LRP1B: variants seen among roughly 807,000 people sequenced by gnomAD.
LRP1B encodes the protein low-density lipoprotein receptor-related protein 1B.
LRP1B carries 217 observed loss-of-function variants against 556.6 expected under a neutral mutation model. That is an observed-to-expected ratio of 0.39 (90% confidence interval 0.35 to 0.44). LRP1B has a LOEUF of 0.44. Ranked by LOEUF, LRP1B falls within the 20% of genes least tolerant of loss-of-function variation. The pLI is 1.00. For synonymous variants in LRP1B, 2,047 were observed against 1,865.8 expected, an observed-to-expected ratio of 1.10 and a Z score of -2.50; for missense variants, 5,053 against 5,620.8, an observed-to-expected ratio of 0.90 and a Z score of 3.23.
Position 140,536,311 on chromosome 2 carries a change from T to TAAAAA in LRP1B, c.7642+265_7642+269dup, listed in dbSNP as rs70988404. On this transcript the variant is annotated intron_variant, in intron 46 of 90. Coordinates refer to ENST00000389484, the MANE Select transcript of LRP1B (RefSeq NM_018557.3). ...GCAACACAATGAGACCCCGTCTCTT[T>TAAAAA]AAAAAAAAAAAAAAAAAAAAAAAAA... is the stretch of plus-strand genomic sequence containing the variant. Among the ~76,000 whole-genome samples the TAAAAA allele has an allele frequency of 3.1e-3, 192 of 61,888 alleles. 4 individuals carry two copies. The highest frequency in any genetic ancestry group is 0.014 in the African/African-American group (174 of 12,404). 40.6% of individuals were successfully genotyped at this position (61,888 alleles called of 152,430 possible). A position where few individuals can be genotyped will look rare whatever the true frequency, so the allele number is the denominator to read the frequency against.
intron 1 of LRP1B, among the ~76,000 whole-genome samples, chr2:141,955,601 C>T (rs1269464204): frequency 6.6e-6 from 1 of 152,062 alleles, no homozygotes; most frequent in Admixed American, 6.6e-5. Flanking sequence ...GTCCTGGCTG[C>T]TCACTGGCCA....
At chr2:141,301,285 A>G (rs989756976) in intron 3 of LRP1B, among the ~76,000 whole-genome samples, 1 of 152,212 alleles carries the variant, frequency 6.6e-6, no homozygotes, top group Non-Finnish European at 1.5e-5. Flanking sequence ...TTATCTAAAT[A>G]ATGAAGTGGC....
At chr2:141,510,460 G>A (rs759683562) in intron 2 of LRP1B, among the ~76,000 whole-genome samples, 61 of 152,128 alleles carry the variant, frequency 4.0e-4, no homozygotes, top group South Asian at 8.3e-4. Context: ...CTTGGATTTA[G>A]GCTGTATTTT....
chr2:141,702,003 C>A (rs893808478), intron 2 of LRP1B, among the ~76,000 whole-genome samples: 8 of 151,792 alleles, frequency 5.3e-5, no homozygotes, highest in African/African-American at 1.9e-4. Context: ...ATTTTCAAAC[C>A]AAATGCCAAA....
intron 43 of LRP1B, among the ~76,000 whole-genome samples, chr2:140,546,110 G>A (rs1680328847): frequency 6.6e-6 from 1 of 151,470 alleles, no homozygotes; most frequent in Non-Finnish European, 1.5e-5. Context: ...CAGGAATCCT[G>A]GTAATTTGTG....
chr2:140,578,231 A>T lies in LRP1B; in HGVS notation c.7194+20400T>A, dbSNP rs1282685546. ...TTTTGACTTTTCTTTTTTCCAAGGC[A>T]GCCTGGTCTATCAAAGCTAAAACAC... On this transcript the variant is annotated intron_variant, in intron 43 of 90. Transcript: ENST00000389484. Among the ~76,000 whole-genome samples the T allele has an allele frequency of 2.0e-5, 3 of 150,466 alleles. No homozygotes were observed. In the East Asian group the frequency reaches 6.0e-4, roughly 30 times the overall value.
intron 41 of LRP1B, among the ~76,000 whole-genome samples, chr2:140,698,318 G>A (rs1483041442): frequency 6.6e-6 from 1 of 152,016 alleles, no homozygotes; most frequent in Non-Finnish European, 1.5e-5. Flanking sequence ...GTCTGTGTAT[G>A]TGGGTCATGT....
intron 87 of LRP1B, among the ~76,000 whole-genome samples, chr2:140,246,146 T>C (rs1681150162): frequency 2.0e-5 from 3 of 151,322 alleles, no homozygotes; most frequent in South Asian, 4.1e-4. Flanking sequence ...AAAAATGTTA[T>C]ATTTTATACT....
intron 1 of LRP1B, among the ~76,000 whole-genome samples, chr2:142,094,081 G>T (rs1277238888): frequency 6.6e-6 from 1 of 151,984 alleles, no homozygotes; most frequent in Non-Finnish European, 1.5e-5. Context: ...GTTGGAAAGG[G>T]TCATTTAGCT....
chr2:142,035,882 G>A (rs1290394045), intron 1 of LRP1B, among the ~76,000 whole-genome samples: 4 of 151,840 alleles, frequency 2.6e-5, no homozygotes, highest in African/African-American at 7.2e-5. Context: ...AATCACGGGA[G>A]CCAGTCTTTT....
At chr2:141,957,251 A>G (rs112282796) in intron 1 of LRP1B, among the ~76,000 whole-genome samples, 47 of 152,090 alleles carry the variant, frequency 3.1e-4, no homozygotes, top group African/African-American at 9.9e-4. Flanking sequence ...GGTGAACCAC[A>G]GTCACAAGGC....
In LRP1B at chr2:140,806,335, T is replaced by A. The variant is rs564154035; in HGVS notation, c.5359+7322A>T. On this transcript the variant is annotated intron_variant, in intron 32 of 90. Transcript: ENST00000389484. Reference sequence around the variant, plus strand: ...CACCTTGACACTCAAGTAGTATATGTCATGATAATTTTAGATTCCTTACCT... The same window carrying A: ...CACCTTGACACTCAAGTAGTATATGACATGATAATTTTAGATTCCTTACCT... Among the ~76,000 whole-genome samples, 106 of 152,262 alleles carry A rather than the reference T, an allele frequency of 7.0e-4. No homozygotes were observed. In the Middle Eastern group the frequency reaches 0.014, roughly 20 times the overall value.
chr2:141,416,479 T>A (rs1691108454), intron 3 of LRP1B, among the ~76,000 whole-genome samples: 1 of 129,982 alleles, frequency 7.7e-6, no homozygotes, highest in Non-Finnish European at 1.6e-5. Flanking sequence ...TGAGACAGGA[T>A]CTCTCACTCT....
chr2:141,355,706 G>A (rs1256648689), intron 3 of LRP1B, among the ~76,000 whole-genome samples: 2 of 151,604 alleles, frequency 1.3e-5, no homozygotes, highest in Non-Finnish European at 2.9e-5. Context: ...ATTAATGAAC[G>A]AAGGAAAATA....
chr2:141,414,237 C>CA (rs775634408), intron 3 of LRP1B, among the ~76,000 whole-genome samples: 1,641 of 34,428 alleles, frequency 0.048, 41 homozygotes, highest in East Asian at 0.22. Flanking sequence ...GACTCTATCT[C>CA]AAAAAAAAAA....
At position 140,980,477 on chromosome 2, in the gene LRP1B, G is replaced by A. The variant is rs189142270; in HGVS notation, c.2887+1683C>T. Among the ~76,000 whole-genome samples, 18 of 152,246 alleles carry A rather than the reference G, an allele frequency of 1.2e-4. No homozygotes were observed. The East Asian group carries it at 3.3e-3, about 28-fold the overall frequency. On this transcript the variant is annotated intron_variant, in intron 18 of 90. Transcript: ENST00000389484. Reference sequence around the variant, plus strand: ...AAAATATTCTATTGTCTATTGTGTGGTTCTCTAGTGCTTTCTTCCATACCA... The same window carrying A: ...AAAATATTCTATTGTCTATTGTGTGATTCTCTAGTGCTTTCTTCCATACCA...
rs116637995 is a variant in LRP1B at position 140,531,537 on chromosome 2, C to A, written c.7762+2484G>T. Among the ~76,000 whole-genome samples the A allele has an allele frequency of 4.3e-3, 650 of 152,280 alleles. 7 individuals are homozygous for A. The highest frequency in any genetic ancestry group is 8.1e-3 in the South Asian group (39 of 4,820). ...CACACTGTCTAAGATGGCAGAGTAA[C>A]TTCCCAACATTCCATACAGCTATGA... On this transcript the variant is annotated intron_variant, in intron 47 of 90. Coordinates refer to ENST00000389484, the MANE Select transcript of LRP1B (RefSeq NM_018557.3).
intron 66 of LRP1B, among the ~76,000 whole-genome samples, chr2:140,432,233 C>T (rs1038089182): frequency 1.3e-5 from 2 of 152,172 alleles, no homozygotes; most frequent in African/African-American, 4.8e-5. Flanking sequence ...GAACAACCCC[C>T]CTTTGACTGT....
intron 1 of LRP1B, among the ~76,000 whole-genome samples, chr2:142,023,629 C>T (rs982162237): frequency 6.6e-6 from 1 of 152,212 alleles, no homozygotes; most frequent in African/African-American, 2.4e-5. Flanking sequence ...GATATTACTT[C>T]TTCCAGAATC....
Sources: gnomAD v4.1 joint callset for allele counts (sites outside exome capture counted in the v4.1 genomes callset) on GRCh38, gnomAD v4.1.1 for gene constraint, MANE v1.5 for transcripts, NCBI Gene and HGNC (gene_info 2026-07-23, HGNC 2026-07-21) for gene names.